The following SAMMSON variants were observed in gnomAD, a reference collection of about 807,000 sequenced individuals.
SAMMSON encodes survival associated mitochondrial melanoma specific oncogenic non-coding RNA.
At chr3:70,047,804 C>T (rs1340902607) in intron 3 of SAMMSON, among the ~76,000 whole-genome samples, 4 of 152,018 alleles carry the variant, frequency 2.6e-5, no homozygotes, top group East Asian at 1.9e-4. Context: ...TGGCAGAAAG[C>T]GGAAGGGCAA....
intron 6 of SAMMSON, among the ~76,000 whole-genome samples, chr3:70,272,736 CATT>C (rs1334989841): frequency 6.6e-6 from 1 of 152,176 alleles, no homozygotes; most frequent in Non-Finnish European, 1.5e-5. Context: ...AATGTACAAA[CATT>C]ATTATCCTTC....
At chr3:70,264,562 G>T (rs578172327) in intron 6 of SAMMSON, among the ~76,000 whole-genome samples, 1 of 152,180 alleles carries the variant, frequency 6.6e-6, no homozygotes, top group East Asian at 1.9e-4. Flanking sequence ...AAAGTGAGTT[G>T]GGTGAGTCAA....
Position 70,070,598 on chromosome 3 carries a change from A to C in SAMMSON, n.418-878A>C, listed in dbSNP as rs187389430. Among the ~76,000 whole-genome samples the C allele has an allele frequency of 6.8e-3, 1,040 of 152,184 alleles. 6 individuals are homozygous for C. Among genetic ancestry groups the C allele is most frequent in the Non-Finnish European group, 0.012 (836 of 67,970 alleles). On this transcript the variant is annotated intron_variant and non_coding_transcript_variant, in intron 3 of 9. Coordinates refer to ENST00000642114, the Ensembl canonical transcript of SAMMSON. ...TAGTAGAAAAAGGTTGCTAAAAAAA[A>C]AAAATCCCCTTGGGGGACATAAATT...
chr3:70,381,492 A>ATAT (rs534695986), intron 9 of SAMMSON, among the ~76,000 whole-genome samples: 3 of 152,196 alleles, frequency 2.0e-5, no homozygotes, highest in Non-Finnish European at 4.4e-5. Flanking sequence ...TACAAGAGAG[A>ATAT]TATTAGATTG....
chr3:70,014,169 A>G (rs149872837), intron 3 of SAMMSON: 9 of 152,294 alleles, frequency 5.9e-5, no homozygotes, highest in African/African-American at 1.9e-4. Context: ...ACTATTTCCA[A>G]AGCGGAGAGA....
At chr3:70,275,155 A>G (rs1295757878) in intron 6 of SAMMSON, among the ~76,000 whole-genome samples, 3 of 152,174 alleles carry the variant, frequency 2.0e-5, no homozygotes. Flanking sequence ...TAGAATTTTA[A>G]CTTATAAAAA....
intron 7 of SAMMSON, among the ~76,000 whole-genome samples, chr3:70,340,778 G>T (rs1403457523): frequency 2.6e-5 from 4 of 152,054 alleles, no homozygotes; most frequent in Admixed American, 2.6e-4. Flanking sequence ...GTCTCCTCCT[G>T]ATTTTGCCCC....
chr3:70,151,531 A>G (rs973907888), intron 4 of SAMMSON, among the ~76,000 whole-genome samples: 4 of 152,046 alleles, frequency 2.6e-5, no homozygotes, highest in Admixed American at 6.6e-5. Flanking sequence ...CTCAGTCTCT[A>G]AGAACATCAT....
chr3:70,298,952 T>G (rs1259001693), intron 7 of SAMMSON, among the ~76,000 whole-genome samples: 1 of 152,168 alleles, frequency 6.6e-6, no homozygotes, highest in African/African-American at 2.4e-5. Context: ...CACATATATT[T>G]TATGCAACTA....
intron 2 of SAMMSON, among the ~76,000 whole-genome samples, chr3:70,400,524 T>C (rs1265674286): frequency 6.6e-6 from 1 of 152,180 alleles, no homozygotes; most frequent in Non-Finnish European, 1.5e-5. Context: ...AGCTGCCCAA[T>C]TGTGAACCAT....
At chr3:70,229,075 G>A (rs1309326113) in intron 4 of SAMMSON, among the ~76,000 whole-genome samples, 2 of 152,182 alleles carry the variant, frequency 1.3e-5, no homozygotes, top group Non-Finnish European at 2.9e-5. Flanking sequence ...CAGAGAAGAT[G>A]AACCAATAAC....
chr3:70,199,437 C>T lies in SAMMSON; in HGVS notation n.508-49670C>T, dbSNP rs1437091985. On this transcript the variant is annotated intron_variant and non_coding_transcript_variant, in intron 4 of 9. Coordinates refer to ENST00000642114, the Ensembl canonical transcript of SAMMSON. ...CAAATTGGCACTTGTTTCCTTCTAC[C>T]TCCCTATTTTGCACTTGAGAATAGA... is the stretch of plus-strand genomic sequence containing the variant. Among the ~76,000 whole-genome samples, 3 of 152,066 alleles carry T rather than the reference C, an allele frequency of 2.0e-5. No individual in the cohort carries two copies. In the East Asian group the frequency reaches 5.8e-4, roughly 29 times the overall value.
At chr3:70,310,608 C>T (rs563805839) in intron 7 of SAMMSON, among the ~76,000 whole-genome samples, 20 of 152,094 alleles carry the variant, frequency 1.3e-4, no homozygotes, top group African/African-American at 4.1e-4. Context: ...GCAAGTGATC[C>T]ACCCGCCTCG....
chr3:70,011,207 A>T (rs2107576920), intron 1 of SAMMSON, among the ~76,000 whole-genome samples: 1 of 152,268 alleles, frequency 6.6e-6, no homozygotes, highest in East Asian at 1.9e-4. Flanking sequence ...TTACTGGAAC[A>T]CCATGACTTT....
chr3:70,067,372 A>G (rs2067213384), intron 3 of SAMMSON, among the ~76,000 whole-genome samples: 1 of 152,126 alleles, frequency 6.6e-6, no homozygotes, highest in African/African-American at 2.4e-5. Context: ...AAAATATATT[A>G]ACCCATAATT....
rs549225876 is a variant in SAMMSON at position 70,416,905 on chromosome 3, G to A, written n.234-45655G>A. Among the ~76,000 whole-genome samples, 10 of 152,218 alleles carry A rather than the reference G, an allele frequency of 6.6e-5. No homozygotes were observed. The South Asian group carries it at 1.9e-3, about 28-fold the overall frequency. ...TTCACTGTCCCTGGAGTAAGCCATT[G>A]CTCAGGGTCTCTGCATTTGAGAATG... is the stretch of plus-strand genomic sequence containing the variant. On this transcript the variant is annotated intron_variant and non_coding_transcript_variant, in intron 2 of 3. Transcript: ENST00000641053.
chr3:70,160,711 A>G (rs951405287), intron 4 of SAMMSON, among the ~76,000 whole-genome samples: 2 of 151,984 alleles, frequency 1.3e-5, no homozygotes, highest in African/African-American at 4.8e-5. Context: ...CAGCTTGTCA[A>G]TTTCTGAAAC....
At chr3:70,085,041 G>A (rs1254107973) in intron 4 of SAMMSON, among the ~76,000 whole-genome samples, 1 of 152,176 alleles carries the variant, frequency 6.6e-6, no homozygotes, top group East Asian at 1.9e-4. Context: ...GATGGCAGAG[G>A]GGAGAGGGTT....
At chr3:70,310,691 G>T (rs934756379) in intron 7 of SAMMSON, among the ~76,000 whole-genome samples, 1 of 152,110 alleles carries the variant, frequency 6.6e-6, no homozygotes, top group Non-Finnish European at 1.5e-5. Flanking sequence ...AATTAGGGTT[G>T]GGGGTAGGGT....
Sources: allele counts gnomAD v4.1 joint callset (sites outside exome capture counted in the v4.1 genomes callset), GRCh38; gene constraint gnomAD v4.1.1; transcripts MANE v1.5; gene names NCBI Gene and HGNC (gene_info 2026-07-23, HGNC 2026-07-21).